The following HDAC7 variants were observed in gnomAD, a reference collection of about 807,000 sequenced individuals.
HDAC7 encodes the protein histone deacetylase 7, also known as histone deacetylase 7A.
In HDAC7, 26 loss-of-function variants were observed where a neutral mutation model predicts 115.5. That is an observed-to-expected ratio of 0.23 (90% CI 0.16 to 0.31). The LOEUF (loss-of-function observed/expected upper bound fraction) is 0.31. Ranked by LOEUF, HDAC7 falls within the 10% of genes least tolerant of loss-of-function variation. The probability of loss-of-function intolerance (pLI) is 1.00; values close to 1 mark genes in which losing one functional copy is unlikely to be tolerated. For missense variants in HDAC7, 1,068 were observed against 1,329.0 expected (o/e 0.80, Z 3.05); for synonymous variants, 564 against 550.9 (o/e 1.02, Z -0.33).
chr12:47,794,941 G>A lies in HDAC7; in HGVS notation c.1285-8C>T. On this transcript the variant is annotated splice_polypyrimidine_tract_variant and splice_region_variant and intron_variant, in intron 11 of 25. Coordinates refer to ENST00000080059, the MANE Select transcript of HDAC7 (RefSeq NM_015401.5). ...ACTCGGCTTGGCTGACCTCTGGGGA[G>A]GGGAGAACCTGGCTGAGAAGCCATG... 1 of 1,607,810 alleles carries A rather than the reference G, an allele frequency of 6.2e-7. No homozygotes were observed. The highest frequency in any genetic ancestry group is 1.1e-5 in the South Asian group (1 of 90,048).
At chr12:47,788,402 G>A (rs573864635) in intron 19 of HDAC7, 74 of 367,652 alleles carry the variant, frequency 2.0e-4, no homozygotes, top group African/African-American at 1.5e-3. Flanking sequence ...AAGGAGAGGA[G>A]GTGTCCCAAT....
Position 47,797,286 on chromosome 12 carries a change from G to A in HDAC7, c.577+98C>T, listed in dbSNP as rs1233883625. The A allele has an allele frequency of 4.8e-6, 7 of 1,450,672 alleles. No homozygotes were observed. Among genetic ancestry groups the A allele is most frequent in the South Asian group, 2.4e-5 (2 of 84,424 alleles). The allele number at this position is 1,450,672 out of a possible 1,614,324, so 89.9% of individuals were successfully genotyped here. On this transcript the variant is annotated intron_variant, in intron 6 of 25. Transcript: ENST00000080059. The surrounding 1 kb of genome is among the most constrained non-coding windows in gnomAD (Gnocchi z 5.5). ...ATCCTAGCCTACCGATGATCTCCTG[G>A]CCCAGCCCAGCCCGCCCACCCCTGC...
At chr12:47,792,946 T>C in intron 13 of HDAC7, 1 of 285,856 alleles carries the variant, frequency 3.5e-6, no homozygotes, top group South Asian at 3.5e-5. Context: ...ACAGCAGAAT[T>C]TCAGAGGGTT....
At position 47,798,804 on chromosome 12, in the gene HDAC7, C is replaced by A; in HGVS notation, c.239G>T (p.Arg80Leu). 1 of 1,557,380 alleles carries A rather than the reference C, an allele frequency of 6.4e-7. No homozygotes were observed. The highest frequency in any genetic ancestry group is 8.7e-7 in the Non-Finnish European group (1 of 1,150,130). ...CTTTACCCTCATGGGCTCCACCGAG[C>A]GCTGCTGCTGCAGGCCTGCTAGGAA... ...HLFLAGLQQQ[R>L]SVEPMRLSMD... The change falls in exon 3 of 26, where the codon CGC (arginine) becomes CTC (leucine). Residue 80 changes from arginine to leucine, a missense_variant. By Grantham distance (102) the Arg-to-Leu change is moderately radical (BLOSUM62 -2). This residue lies in a region of HDAC7 where 161 missense variants were observed against 158.5 expected (regional missense o/e 1.02). Transcript: ENST00000080059. The surrounding 1 kb of genome is among the most constrained non-coding windows in gnomAD (Gnocchi z 4.3).
intron 1 of HDAC7, 36 bp downstream of exon 1, chr12:47,819,731 G>T: frequency 1.4e-6 from 1 of 722,694 alleles, no homozygotes; most frequent in Non-Finnish European, 1.7e-6. Context: ...GGTGCCGCGC[G>T]CAGGGCGGGG....
chr12:47,787,966 A>G, intron 20 of HDAC7, 79 bp downstream of exon 20: 2 of 1,586,584 alleles, frequency 1.3e-6, no homozygotes, highest in Non-Finnish European at 1.7e-6. Context: ...AGGATCACAC[A>G]GCTCGTCATG....
At chr12:47,810,828 C>G (rs12372410) in intron 1 of HDAC7, among the ~76,000 whole-genome samples, 1 of 97,132 alleles carries the variant, frequency 1.0e-5, no homozygotes, top group Admixed American at 9.2e-5. Flanking sequence ...CTCTCTCTCT[C>G]TCTCTCTCTC....
Position 47,798,727 on chromosome 12 carries a change from C to A in HDAC7, c.258+58G>T, listed in dbSNP as rs1422412337. On this transcript the variant is annotated intron_variant, in intron 3 of 25. Transcript: ENST00000080059. This position sits in a 1 kb window ranked among gnomAD's most constrained non-coding sequence, Gnocchi z 4.3. ...GACTGGTGTCTAGGGATGCTGAAGG[C>A]GGGGAGGCTGGGGACCAAGCTCAAG... 6.4e-7 allele frequency: 1 copy of A among 1,560,536 alleles called. No homozygotes were observed.
Position 47,793,352 on chromosome 12 carries a change from C to T in HDAC7, c.1678+17G>A, listed in dbSNP as rs749080835. The T allele has an allele frequency of 1.3e-6, 2 of 1,482,808 alleles. No individual in the cohort carries two copies. The highest frequency in any genetic ancestry group is 2.5e-5 in the East Asian group (1 of 40,094). 91.9% of individuals were successfully genotyped at this position (1,482,808 alleles called of 1,614,324 possible). ...CCGAGCCCCTCCCTCCACCCGCCACCCTCCTCCCGGTCTCACCTGTGGTGA... is the reference window on the plus strand; with the variant it reads ...CCGAGCCCCTCCCTCCACCCGCCACTCTCCTCCCGGTCTCACCTGTGGTGA... On this transcript the variant is annotated intron_variant, in intron 13 of 25. Transcript: ENST00000080059. This position sits in a 1 kb window ranked among gnomAD's most constrained non-coding sequence, Gnocchi z 4.5.
At chr12:47,813,250 T>C (rs1435552096) in intron 1 of HDAC7, 1 of 142,846 alleles carries the variant, frequency 7.0e-6, no homozygotes, top group Non-Finnish European at 1.5e-5. Flanking sequence ...AGAGCAGTTC[T>C]ATAACCTGAA....
intron 14 of HDAC7, 63 bp downstream of exon 14, chr12:47,791,808 A>ACC: frequency 2.0e-6 from 1 of 510,916 alleles, no homozygotes; most frequent in Admixed American, 5.4e-5. Context: ...AGGGCCCCCC[A>ACC]CCCCTCCCCT....
At position 47,795,850 on chromosome 12, in the gene HDAC7, G is replaced by T; in HGVS notation, c.906+56C>A. 1 of 1,522,880 alleles carries T rather than the reference G, an allele frequency of 6.6e-7. No homozygotes were observed. The highest frequency in any genetic ancestry group is 8.9e-7 in the Non-Finnish European group (1 of 1,127,304). The allele number at this position is 1,522,880 out of a possible 1,614,324, so 94.3% of individuals were successfully genotyped here. A position where few individuals can be genotyped will look rare whatever the true frequency, so the allele number is the denominator to read the frequency against. ...ATGATGGGGTGAGGCAGCAAGAAAA[G>T]GGAGTGAAAGAAGCTGGGGGGGCTT... On this transcript the variant is annotated intron_variant, in intron 9 of 25. Transcript: ENST00000080059. The surrounding 1 kb of genome is among the most constrained non-coding windows in gnomAD (Gnocchi z 4.3).
intron 1 of HDAC7, among the ~76,000 whole-genome samples, chr12:47,817,285 C>A (rs1303361816): frequency 6.6e-6 from 1 of 152,212 alleles, no homozygotes; most frequent in Non-Finnish European, 1.5e-5. Context: ...TAAGCAGAAA[C>A]TCTGCCCCTC....
Position 47,783,872 on chromosome 12 carries a change from A to G in HDAC7, c.2945T>C (p.Leu982Pro), listed in dbSNP as rs772236655. The G allele has an allele frequency of 2.5e-6, 4 of 1,612,352 alleles. No individual in the cohort carries two copies. The highest frequency in any genetic ancestry group is 3.4e-6 in the Non-Finnish European group (4 of 1,179,586). Reference protein sequence around the residue: ...ILAEDRPSEQLVEEEEPMNL With the variant: ...ILAEDRPSEQPVEEEEPMNL ...ATTCATAGGTTCTTCCTCCTCCACC[A>G]GCTGCTCCGAGGGCCTGTGGGGAGG... The change falls in exon 26 of 26, where the codon CTG (leucine) becomes CCG (proline). Residue 982 changes from leucine to proline, a missense_variant. Coordinates refer to ENST00000080059, the MANE Select transcript of HDAC7 (RefSeq NM_015401.5).
At position 47,803,358 on chromosome 12, in the gene HDAC7, G is replaced by T. The variant is rs1385432566; in HGVS notation, c.20-1084C>A. Reference sequence around the variant, plus strand: ...GCTCCTTTGGGTCTGTGTCTCAGAGGCAGCCACAGTTCCTCTTCAGAGCCG... The same window carrying T: ...GCTCCTTTGGGTCTGTGTCTCAGAGTCAGCCACAGTTCCTCTTCAGAGCCG... On this transcript the variant is annotated intron_variant, in intron 1 of 25. Coordinates refer to ENST00000080059, the MANE Select transcript of HDAC7 (RefSeq NM_015401.5). This position sits in a 1 kb window ranked among gnomAD's most constrained non-coding sequence, Gnocchi z 4.0. 6.6e-6 allele frequency among the ~76,000 whole-genome samples: 1 copy of T among 152,178 alleles called. No individual in the cohort carries two copies. Among genetic ancestry groups the T allele is most frequent in the Non-Finnish European group, 1.5e-5 (1 of 68,024 alleles).
At chr12:47,800,389 G>A (rs947149080) in intron 2 of HDAC7, among the ~76,000 whole-genome samples, 2 of 152,124 alleles carry the variant, frequency 1.3e-5, no homozygotes, top group Admixed American at 1.3e-4. Flanking sequence ...GTCATTAAAG[G>A]GCATTCACTC....
chr12:47,796,549 AAGT>A (rs1027192939), intron 7 of HDAC7, among the ~76,000 whole-genome samples: 12 of 150,692 alleles, frequency 8.0e-5, no homozygotes, highest in African/African-American at 2.9e-4. Flanking sequence ...TCAGCCTCCC[AAGT>A]AGCTGGGACT....
At chr12:47,784,249 G>GAGAA (rs748444941) in intron 24 of HDAC7, 32 bp from the exon 25 acceptor site, 10 of 1,593,338 alleles carry the variant, frequency 6.3e-6, no homozygotes, top group Non-Finnish European at 8.5e-6. Flanking sequence ...GAAAGGGTTG[G>GAGAA]AGAAAGCAAG....
rs953816765 is a variant in HDAC7 at position 47,793,630 on chromosome 12, C to T, written c.1459-42G>A. The T allele has an allele frequency of 1.4e-6, 2 of 1,438,334 alleles. No homozygotes were observed. Among genetic ancestry groups the T allele is most frequent in the African/African-American group, 1.4e-5 (1 of 70,742 alleles). The allele number at this position is 1,438,334 out of a possible 1,614,324, so 89.1% of individuals were successfully genotyped here. On this transcript the variant is annotated intron_variant, in intron 12 of 25. Transcript: ENST00000080059. The surrounding 1 kb of genome is among the most constrained non-coding windows in gnomAD (Gnocchi z 4.5). Reference sequence around the variant, plus strand: ...GCCTTGGTCTCCAGTGTTTCAGGGTCCTGCTCCCTCTACTTCTGCCTGAGG... The same window carrying T: ...GCCTTGGTCTCCAGTGTTTCAGGGTTCTGCTCCCTCTACTTCTGCCTGAGG...
Sources: allele counts gnomAD v4.1 joint callset (sites outside exome capture counted in the v4.1 genomes callset), GRCh38; gene constraint gnomAD v4.1.1; regional missense constraint gnomAD v4.1.1; non-coding constraint Gnocchi (gnomAD v3.1); transcripts MANE v1.5; gene names NCBI Gene and HGNC (gene_info 2026-07-23, HGNC 2026-07-21).